The following FAM20A variants were observed in gnomAD, a reference collection of about 807,000 sequenced individuals.
The protein encoded by FAM20A is FAM20A golgi associated secretory pathway pseudokinase, also known as pseudokinase FAM20A.
FAM20A carries 42 observed loss-of-function variants against 52.0 expected under a neutral mutation model. That is an observed-to-expected ratio of 0.81 (90% confidence interval 0.63 to 1.04). The LOEUF (loss-of-function observed/expected upper bound fraction) is 1.04. Among genes scored for constraint, FAM20A ranks in the 50% least tolerant of loss-of-function variants. The probability of loss-of-function intolerance (pLI) is 0.00; values close to 1 mark genes in which losing one functional copy is unlikely to be tolerated. For missense variants in FAM20A, 742 were observed against 712.7 expected (o/e 1.04, Z -0.47); for synonymous variants, 304 against 298.9 (o/e 1.02, Z -0.18).
intron 4 of FAM20A, among the ~76,000 whole-genome samples, chr17:68,548,776 G>A (rs1230710248): frequency 3.2e-5 from 4 of 126,356 alleles, no homozygotes; most frequent in African/African-American, 9.3e-5. Flanking sequence ...TCTGTCGCCT[G>A]GGCTGGAGTG....
rs1477120949 is a variant in FAM20A at position 68,600,054 on chromosome 17, G to T, written c.404+209C>A. On this transcript the variant is annotated intron_variant, in intron 1 of 10. Coordinates refer to ENST00000592554, the MANE Select transcript of FAM20A (RefSeq NM_017565.4). The surrounding 1 kb of genome is among the most constrained non-coding windows in gnomAD (Gnocchi z 6.2). ...CGGCTGCAATAGAAACTTTTTCCTC[G>T]TACTATCTGACTCCGGGACTGGACT... 1.3e-5 allele frequency among the ~76,000 whole-genome samples: 2 copies of T among 152,186 alleles called. No homozygotes were observed. The highest frequency in any genetic ancestry group is 4.8e-5 in the African/African-American group (2 of 41,454).
chr17:68,586,776 C>T (rs539481460), intron 1 of FAM20A, among the ~76,000 whole-genome samples: 1 of 152,320 alleles, frequency 6.6e-6, no homozygotes, highest in East Asian at 1.9e-4. Context: ...GTGGCTTAAA[C>T]AGTGACAATT....
At chr17:68,592,517 C>T (rs1227190953) in intron 1 of FAM20A, among the ~76,000 whole-genome samples, 1 of 152,212 alleles carries the variant, frequency 6.6e-6, no homozygotes, top group African/African-American at 2.4e-5. Context: ...ACCTGTGGAG[C>T]TCAACCTAGG....
chr17:68,571,983 C>CATAT (rs2087553089), intron 1 of FAM20A, among the ~76,000 whole-genome samples: 2 of 22,096 alleles, frequency 9.1e-5, no homozygotes, highest in Admixed American at 4.8e-4. Context: ...TGTGTATATA[C>CATAT]ATACATATAT....
chr17:68,590,267 T>C (rs1024168814), intron 1 of FAM20A: 3 of 152,220 alleles, frequency 2.0e-5, no homozygotes, highest in African/African-American at 7.2e-5. Flanking sequence ...TCGGAAGATG[T>C]GCAAAGCTTG....
intron 1 of FAM20A, chr17:68,598,094 T>G (rs912081245): frequency 2.0e-5 from 3 of 149,642 alleles, no homozygotes; most frequent in African/African-American, 7.4e-5. Context: ...GCCTCAACCT[T>G]CTGGGCTCAA....
At chr17:68,586,041 T>C (rs919063412) in intron 1 of FAM20A, among the ~76,000 whole-genome samples, 7 of 152,262 alleles carry the variant, frequency 4.6e-5, no homozygotes, top group African/African-American at 1.7e-4. Context: ...ATAGACATGG[T>C]TGGTGGCTCC....
At chr17:68,584,105 C>T (rs2088094422) in intron 1 of FAM20A, among the ~76,000 whole-genome samples, 1 of 152,034 alleles carries the variant, frequency 6.6e-6, no homozygotes, top group African/African-American at 2.4e-5. Context: ...TCACTTGAGG[C>T]CAGGAGTTTG....
intron 10 of FAM20A, among the ~76,000 whole-genome samples, chr17:68,538,257 G>A (rs1326996464): frequency 3.9e-5 from 6 of 152,210 alleles, no homozygotes; most frequent in Non-Finnish European, 8.8e-5. Flanking sequence ...TTTTATGTGG[G>A]AATCTGACTT....
rs2086117510 is a variant in FAM20A, at chr17:68,537,118, A to G, written c.*359T>C. 2 of 477,906 alleles carry G rather than the reference A, an allele frequency of 4.2e-6. No individual in the cohort carries two copies. Among genetic ancestry groups the G allele is most frequent in the Non-Finnish European group, 8.2e-6 (2 of 243,454 alleles). The allele number at this position is 477,906 out of a possible 1,614,324, so 29.6% of individuals were successfully genotyped here. A position where few individuals can be genotyped will look rare whatever the true frequency, so the allele number is the denominator to read the frequency against. ...GCTAGAATAAGGATCCTGAGAAGTC[A>G]GGTATCCACTTGATGTCCTTTTATT... is the stretch of plus-strand genomic sequence containing the variant. On this transcript the variant is annotated 3_prime_UTR_variant, in exon 11 of 11. Coordinates refer to ENST00000592554, the MANE Select transcript of FAM20A (RefSeq NM_017565.4). The surrounding 1 kb of genome is among the most constrained non-coding windows in gnomAD (Gnocchi z 4.2).
At chr17:68,584,874 C>A (rs2088123841) in intron 1 of FAM20A, among the ~76,000 whole-genome samples, 1 of 152,200 alleles carries the variant, frequency 6.6e-6, no homozygotes, top group Admixed American at 6.5e-5. Context: ...AATAACAGAA[C>A]AGAATGTCGT....
At chr17:68,555,891 G>A (rs185412282) in intron 1 of FAM20A, 148 bp from the exon 2 acceptor site, 9 of 1,006,488 alleles carry the variant, frequency 8.9e-6, no homozygotes, top group Non-Finnish European at 1.4e-5. Flanking sequence ...CTGTGCTTAG[G>A]ATATCTTGGG....
intron 1 of FAM20A, among the ~76,000 whole-genome samples, chr17:68,556,110 C>T (rs1329682581): frequency 6.6e-6 from 1 of 152,192 alleles, no homozygotes; most frequent in African/African-American, 2.4e-5. Flanking sequence ...CCTCTTTATG[C>T]ACTTTCTCAT....
intron 1 of FAM20A, among the ~76,000 whole-genome samples, chr17:68,598,613 G>A (rs1178578077): frequency 1.3e-5 from 2 of 152,116 alleles, no homozygotes; most frequent in East Asian, 1.9e-4. Flanking sequence ...GTGTTTTTGC[G>A]AGTTTTTTTT....
Position 68,537,254 on chromosome 17 carries a change from T to A in FAM20A, c.*223A>T, listed in dbSNP as rs998947356. 2.9e-6 allele frequency: 2 copies of A among 698,874 alleles called. No individual in the cohort carries two copies. Among genetic ancestry groups the A allele is most frequent in the African/African-American group, 3.5e-5 (2 of 56,996 alleles). 43.3% of individuals were successfully genotyped at this position (698,874 alleles called of 1,614,324 possible). A position where few individuals can be genotyped will look rare whatever the true frequency, so the allele number is the denominator to read the frequency against. On this transcript the variant is annotated 3_prime_UTR_variant, in exon 11 of 11. Coordinates refer to ENST00000592554, the MANE Select transcript of FAM20A (RefSeq NM_017565.4). This position sits in a 1 kb window ranked among gnomAD's most constrained non-coding sequence, Gnocchi z 4.2. ...TCGGTGGCCTTGATGAAGCCAGTGC[T>A]TTTTGGGAAAAACGGAGCAAGGCAA...
chr17:68,571,987 C>CACATATATAT (rs2087555219), intron 1 of FAM20A, among the ~76,000 whole-genome samples: 1 of 43,774 alleles, frequency 2.3e-5, no homozygotes, highest in East Asian at 8.7e-4. Context: ...TATATACATA[C>CACATATATAT]ATATATATAT....
At chr17:68,568,460 T>A (rs1026513729) in intron 1 of FAM20A, among the ~76,000 whole-genome samples, 7 of 151,014 alleles carry the variant, frequency 4.6e-5, no homozygotes, top group Admixed American at 3.9e-4. Flanking sequence ...AGAGCGAGAC[T>A]CCATCTCTAA....
chr17:68,581,440 CTTTTTTTCT>C lies in FAM20A; in HGVS notation c.404+18814_404+18822del, dbSNP rs1568774668. Among the ~76,000 whole-genome samples, 398 of 101,130 alleles carry C rather than the reference CTTTTTTTCT, an allele frequency of 3.9e-3. 6 individuals are homozygous for C. The highest frequency in any genetic ancestry group is 0.015 in the African/African-American group (371 of 24,960). The allele number at this position is 101,130 out of a possible 152,430, so 66.3% of individuals were successfully genotyped here. ...TTTTTCTCTTTTCTTTCTTTCTTTT[CTTTTTTTCT>C]TTTCTTTCTTTCCTTTCTTTCTTTC... On this transcript the variant is annotated intron_variant, in intron 1 of 10. Transcript: ENST00000592554.
At position 68,583,369 on chromosome 17, in the gene FAM20A, G is replaced by A. The variant is rs182559962; in HGVS notation, c.404+16894C>T. On this transcript the variant is annotated intron_variant, in intron 1 of 10. Transcript: ENST00000592554. ...GACTGTGCTCCTTCTGGGGACTCTAGGAGAAAGCCCCTTCTTTGCTGTTTC... is the reference window on the plus strand; with the variant it reads ...GACTGTGCTCCTTCTGGGGACTCTAAGAGAAAGCCCCTTCTTTGCTGTTTC... Among the ~76,000 whole-genome samples the A allele has an allele frequency of 4.2e-4, 64 of 152,208 alleles. No homozygotes were observed. In the South Asian group the frequency reaches 7.3e-3, roughly 17 times the overall value.
Sources: gnomAD v4.1 joint callset for allele counts (sites outside exome capture counted in the v4.1 genomes callset) on GRCh38, gnomAD v4.1.1 for gene constraint, Gnocchi (gnomAD v3.1) non-coding constraint, MANE v1.5 for transcripts, NCBI Gene and HGNC (gene_info 2026-07-23, HGNC 2026-07-21) for gene names.